The following HSPA12A variants were observed in gnomAD, a reference collection of about 807,000 sequenced individuals.
HSPA12A encodes heat shock protein family A (Hsp70) member 12A, also known as heat shock 70 kDa protein 12A.
HSPA12A carries 28 observed loss-of-function variants against 69.2 expected under a neutral mutation model. That is an observed-to-expected ratio of 0.40 (90% CI 0.30 to 0.55). The LOEUF is 0.55. Among genes scored for constraint, HSPA12A ranks in the 20% least tolerant of loss-of-function variants. HSPA12A has a pLI of 0.38. For synonymous variants in HSPA12A, 345 were observed against 370.5 expected (o/e 0.93, Z 0.79); for missense variants, 686 against 900.7 (o/e 0.76, Z 3.05).
intron 7 of HSPA12A, among the ~76,000 whole-genome samples, chr10:116,683,027 A>G (rs377314199): frequency 8.5e-5 from 13 of 152,062 alleles, no homozygotes; most frequent in African/African-American, 3.1e-4. Flanking sequence ...TTGCAGCCTG[A>G]AATTAACCCT....
intron 2 of HSPA12A, among the ~76,000 whole-genome samples, chr10:116,759,170 A>G (rs781955331): frequency 2.0e-5 from 3 of 152,234 alleles, no homozygotes; most frequent in Non-Finnish European, 2.9e-5. Context: ...TCTATCCAAG[A>G]AAGTTTCTGT....
intron 1 of HSPA12A, among the ~76,000 whole-genome samples, chr10:116,842,124 C>G (rs980655270): frequency 6.6e-6 from 1 of 152,114 alleles, no homozygotes; most frequent in African/African-American, 2.4e-5. Flanking sequence ...AGTACGTTTT[C>G]AAGGAAGTTA....
chr10:116,814,975 T>C (rs1845269365), intron 2 of HSPA12A, among the ~76,000 whole-genome samples: 2 of 152,138 alleles, frequency 1.3e-5, no homozygotes, highest in Admixed American at 1.3e-4. Context: ...GGCAGTCTGA[T>C]CTTTTCAGTA....
intron 2 of HSPA12A, among the ~76,000 whole-genome samples, chr10:116,805,039 G>A (rs537725042): frequency 4.6e-5 from 7 of 152,116 alleles, no homozygotes; most frequent in Admixed American, 6.6e-5. Flanking sequence ...AATGTTGGAC[G>A]GGCGCGGTGG....
At chr10:116,789,277 C>T (rs1041999184) in intron 2 of HSPA12A, among the ~76,000 whole-genome samples, 1 of 151,850 alleles carries the variant, frequency 6.6e-6, no homozygotes, top group Non-Finnish European at 1.5e-5. Flanking sequence ...CCTATTTTAG[C>T]TTACAAAAAT....
At chr10:116,773,625 G>T (rs1231971965) in intron 2 of HSPA12A, among the ~76,000 whole-genome samples, 1 of 152,196 alleles carries the variant, frequency 6.6e-6, no homozygotes, top group African/African-American at 2.4e-5. Flanking sequence ...TGGCCAACCT[G>T]CCCAGCTCAC....
intron 2 of HSPA12A, among the ~76,000 whole-genome samples, chr10:116,763,849 A>G (rs1478015862): frequency 6.6e-6 from 1 of 152,204 alleles, no homozygotes; most frequent in Non-Finnish European, 1.5e-5. Context: ...ATCATAAATT[A>G]TGAAAGCCAC....
intron 2 of HSPA12A, chr10:116,749,801 C>T (rs1554888143): frequency 6.6e-6 from 1 of 152,460 alleles, no homozygotes; most frequent in East Asian, 1.9e-4. Flanking sequence ...GTGGATTCTC[C>T]ATGGGCTGCT....
At chr10:116,786,549 T>C (rs946929891) in intron 2 of HSPA12A, among the ~76,000 whole-genome samples, 1 of 152,236 alleles carries the variant, frequency 6.6e-6, no homozygotes, top group African/African-American at 2.4e-5. Flanking sequence ...TCATTTATAA[T>C]TCAAGAAATG....
intron 2 of HSPA12A, among the ~76,000 whole-genome samples, chr10:116,778,911 G>A (rs1844401580): frequency 6.6e-6 from 1 of 152,170 alleles, no homozygotes; most frequent in African/African-American, 2.4e-5. Flanking sequence ...CTCGCAGTGG[G>A]GAGATGGAAC....
chr10:116,714,047 GT>G (rs1850528611), intron 1 of HSPA12A, among the ~76,000 whole-genome samples: 1 of 151,024 alleles, frequency 6.6e-6, no homozygotes, highest in Non-Finnish European at 1.5e-5. Flanking sequence ...TGGGTGGATG[GT>G]GGGTGGATGG....
intron 2 of HSPA12A, among the ~76,000 whole-genome samples, chr10:116,772,049 G>A (rs1330663994): frequency 2.0e-5 from 3 of 152,202 alleles, no homozygotes; most frequent in Admixed American, 6.5e-5. Flanking sequence ...GAGGCAGGAC[G>A]AGGCTGGATG....
intron 1 of HSPA12A, 46 bp downstream of exon 1, chr10:116,742,383 TC>T: frequency 7.0e-7 from 1 of 1,422,254 alleles, no homozygotes; most frequent in Admixed American, 2.6e-5. Flanking sequence ...GCCTCCTCCC[TC>T]CCTGCCCCGC....
chr10:116,803,729 C>T (rs1427038303), intron 2 of HSPA12A, among the ~76,000 whole-genome samples: 1 of 152,214 alleles, frequency 6.6e-6, no homozygotes, highest in Non-Finnish European at 1.5e-5. Context: ...GTGCAAGGCA[C>T]ACTCTCTTAA....
At chr10:116,818,958 C>A (rs1337330660) in intron 2 of HSPA12A, among the ~76,000 whole-genome samples, 1 of 151,898 alleles carries the variant, frequency 6.6e-6, no homozygotes, top group East Asian at 1.9e-4. Context: ...CTCTGTTAAC[C>A]CTTTGCAGCC....
intron 2 of HSPA12A, among the ~76,000 whole-genome samples, chr10:116,828,515 T>A (rs1589729198): frequency 1.3e-5 from 2 of 152,242 alleles, no homozygotes; most frequent in East Asian, 3.9e-4. Flanking sequence ...ACAGATGAAG[T>A]CATGTTAAGA....
At chr10:116,724,329 A>G (rs1554884741) in intron 1 of HSPA12A, among the ~76,000 whole-genome samples, 1 of 152,082 alleles carries the variant, frequency 6.6e-6, no homozygotes, top group Non-Finnish European at 1.5e-5. Flanking sequence ...TTTCTGATAT[A>G]TTATATTTGT....
In HSPA12A at chr10:116,675,321, A is replaced by G; in HGVS notation, c.1488T>C (p.Ala496=). The G allele has an allele frequency of 6.2e-7, 1 of 1,613,192 alleles. No homozygotes were observed. Residue 496 remains alanine (A), a synonymous_variant, in exon 12 of 12, where the codon GCT becomes GCC. Transcript: ENST00000369209. The surrounding 1 kb of genome is among the most constrained non-coding windows in gnomAD (Gnocchi z 5.2). ...EAPLLQQAVQ[A]AFGDQCRIII... ...TGATCCGGCACTGGTCCCCAAAAGCAGCCTGCACCGCCTGCTGCAGCAGGG... is the reference window on the plus strand; with the variant it reads ...TGATCCGGCACTGGTCCCCAAAAGCGGCCTGCACCGCCTGCTGCAGCAGGG...
At chr10:116,734,014 G>A (rs1564800917) in intron 1 of HSPA12A, among the ~76,000 whole-genome samples, 1 of 152,148 alleles carries the variant, frequency 6.6e-6, no homozygotes, top group Non-Finnish European at 1.5e-5. Context: ...AGGAAAACAA[G>A]GTCGGTGTAC....
Sources: allele counts gnomAD v4.1 joint callset (sites outside exome capture counted in the v4.1 genomes callset), GRCh38; gene constraint gnomAD v4.1.1; non-coding constraint Gnocchi (gnomAD v3.1); transcripts MANE v1.5; gene names NCBI Gene and HGNC (gene_info 2026-07-23, HGNC 2026-07-21).